The following TGS1 variants were observed in gnomAD, a reference collection of about 807,000 sequenced individuals.
TGS1 encodes trimethylguanosine synthase.
In TGS1, 69 loss-of-function variants were observed where a neutral mutation model predicts 92.2. The ratio of observed to expected loss-of-function variants is 0.75; its 90% CI spans 0.62 to 0.91. The LOEUF (loss-of-function observed/expected upper bound fraction) is 0.91, where lower values mean the gene tolerates loss of function less well. TGS1 is among the 40% of genes least tolerant of loss of function. TGS1 has a pLI of 0.00. For synonymous variants in TGS1, 345 were observed against 338.1 expected, an observed-to-expected ratio of 1.02 and a Z score of -0.22; for missense variants, 1,062 against 1,001.2, an observed-to-expected ratio of 1.06 and a Z score of -0.82.
chr8:55,817,688 C>G (rs57470410), intron 12 of TGS1, among the ~76,000 whole-genome samples: 18 of 151,908 alleles, frequency 1.2e-4, no homozygotes, highest in African/African-American at 4.4e-4. Context: ...GTAGCTCTCT[C>G]GTAGAGGTAG....
At position 55,773,470 on chromosome 8, in the gene TGS1, A is replaced by G. The variant is rs1217619143; in HGVS notation, c.-149A>G. The G allele has an allele frequency of 1.8e-6, 1 of 556,444 alleles. No individual in the cohort carries two copies. The highest frequency in any genetic ancestry group is 3.4e-5 in the East Asian group (1 of 29,690). The allele number at this position is 556,444 out of a possible 1,614,324, so 34.5% of individuals were successfully genotyped here. A position where few individuals can be genotyped will look rare whatever the true frequency, so the allele number is the denominator to read the frequency against. ...CACTTCCGGCGGCAGCGTCCGGGCTAGTTCCCGGCGCGAGCGGCCGCGGGC... is the reference window on the plus strand; with the variant it reads ...CACTTCCGGCGGCAGCGTCCGGGCTGGTTCCCGGCGCGAGCGGCCGCGGGC... On this transcript the variant is annotated 5_prime_UTR_variant, in exon 1 of 13. Coordinates refer to ENST00000260129, the MANE Select transcript of TGS1 (RefSeq NM_024831.8).
At chr8:55,810,167 A>G (rs1050314778) in intron 10 of TGS1, among the ~76,000 whole-genome samples, 9 of 152,238 alleles carry the variant, frequency 5.9e-5, no homozygotes, top group Non-Finnish European at 1.0e-4. Context: ...AGCCCTTTCA[A>G]ATGAAGAATA....
At chr8:55,823,297 AT>A (rs1803700860) in intron 12 of TGS1, among the ~76,000 whole-genome samples, 2 of 152,330 alleles carry the variant, frequency 1.3e-5, no homozygotes, top group Admixed American at 1.3e-4. Flanking sequence ...GAGTGCAAGC[AT>A]TACTGTCTTG....
At chr8:55,819,081 A>G (rs1426735398) in intron 12 of TGS1, among the ~76,000 whole-genome samples, 1 of 152,170 alleles carries the variant, frequency 6.6e-6, no homozygotes, top group Non-Finnish European at 1.5e-5. Context: ...AGCTGGAACC[A>G]TATGCATGGG....
intron 12 of TGS1, among the ~76,000 whole-genome samples, chr8:55,821,875 A>T (rs954161070): frequency 2.2e-4 from 34 of 151,898 alleles, no homozygotes; most frequent in Admixed American, 1.2e-3. Flanking sequence ...ACTCCATCTC[A>T]AAAAATAATA....
At chr8:55,781,069 G>C (rs1175037399) in intron 1 of TGS1, among the ~76,000 whole-genome samples, 1 of 152,190 alleles carries the variant, frequency 6.6e-6, no homozygotes, top group Non-Finnish European at 1.5e-5. Flanking sequence ...ACCAAAAGCT[G>C]GCTGCTCATT....
At chr8:55,795,379 G>T (rs1448434246) in intron 6 of TGS1, among the ~76,000 whole-genome samples, 1 of 152,186 alleles carries the variant, frequency 6.6e-6, no homozygotes, top group Non-Finnish European at 1.5e-5. Flanking sequence ...AAATGCTAAA[G>T]TGTACGTGAC....
Position 55,785,806 on chromosome 8 carries a change from G to A in TGS1, c.254G>A (p.Ser85Asn), listed in dbSNP as rs61753685. Reference sequence around the variant, plus strand: ...AGCAAAGGCATAGGCCTGGATGAAAGTGAACTTGATTCTGAGGCTGAACTC... The same window carrying A: ...AGCAAAGGCATAGGCCTGGATGAAAATGAACTTGATTCTGAGGCTGAACTC... ...HDSKGIGLDE[S>N]ELDSEAELMR... The change falls in exon 3 of 13, where the codon AGT (serine) becomes AAT (asparagine). Residue 85 changes from serine (S) to asparagine (N), a missense_variant. Physicochemically the swap from Ser to Asn is conservative, Grantham distance 46. Transcript: ENST00000260129. 6.3e-3 allele frequency: 10,118 copies of A among 1,613,986 alleles called. 36 individuals carry two copies. The highest frequency in any genetic ancestry group is 7.6e-3 in the Non-Finnish European group (9,023 of 1,179,888).
intron 1 of TGS1, among the ~76,000 whole-genome samples, chr8:55,780,435 C>T (rs969589169): frequency 6.6e-6 from 1 of 152,084 alleles, no homozygotes; most frequent in African/African-American, 2.4e-5. Context: ...AGCAGGAGTG[C>T]CACAGAAATG....
intron 2 of TGS1, among the ~76,000 whole-genome samples, chr8:55,783,151 G>C (rs888823761): frequency 6.6e-5 from 10 of 152,208 alleles, no homozygotes; most frequent in African/African-American, 2.4e-4. Context: ...GGACGTGGTA[G>C]CTCATGCCTA....
chr8:55,796,017 G>A lies in TGS1; in HGVS notation c.1407G>A (p.Arg469=). 6.2e-7 allele frequency: 1 copy of A among 1,613,672 alleles called. No individual in the cohort carries two copies. The highest frequency in any genetic ancestry group is 1.1e-5 in the South Asian group (1 of 91,022). The change falls in exon 7 of 13, where the codon AGG becomes AGA. Residue 469 remains arginine (R), a synonymous_variant. Transcript: ENST00000260129. ...GIPNFSHRQV[R]YLEKNVKLKS... ...CAAATTTCAGTCATCGGCAGGTCAG[G>A]TATTTAGAGAAGAATGTGAAGCTTA... is the stretch of plus-strand genomic sequence containing the variant.
At position 55,811,057 on chromosome 8, in the gene TGS1, G is replaced by T. The variant is rs1442817707; in HGVS notation, c.2320G>T (p.Ala774Ser). Reference sequence around the variant, plus strand: ...TTGGGGAGGGCCAGACTATGCCACTGCAGAGACCTTTGACATTAGAACAAT... The same window carrying T: ...TTGGGGAGGGCCAGACTATGCCACTTCAGAGACCTTTGACATTAGAACAAT... ...PPWGGPDYAT[A>S]ETFDIRTMMS... The change falls in exon 11 of 13, where the codon GCA becomes TCA. Residue 774 changes from alanine to serine, a missense_variant. Ala to Ser is a moderately conservative substitution (Grantham distance 99). Coordinates refer to ENST00000260129, the MANE Select transcript of TGS1 (RefSeq NM_024831.8). The T allele has an allele frequency of 6.2e-7, 1 of 1,614,072 alleles. No homozygotes were observed. Among genetic ancestry groups the T allele is most frequent in the Non-Finnish European group, 8.5e-7 (1 of 1,180,014 alleles).
intron 2 of TGS1, 73 bp downstream of exon 2, chr8:55,782,885 G>A: frequency 1.0e-6 from 1 of 961,592 alleles, no homozygotes; most frequent in Non-Finnish European, 1.6e-6. Context: ...TGTATAATTT[G>A]TTATAATATT....
chr8:55,819,517 C>A (rs1012620826), intron 12 of TGS1, among the ~76,000 whole-genome samples: 64 of 149,652 alleles, frequency 4.3e-4, no homozygotes, highest in Non-Finnish European at 5.8e-4. Flanking sequence ...AGGCTGGTCT[C>A]GAACTCCCGA....
intron 1 of TGS1, among the ~76,000 whole-genome samples, chr8:55,781,185 G>A: frequency 6.6e-6 from 1 of 152,202 alleles, no homozygotes; most frequent in East Asian, 1.9e-4. Context: ...ACACACATAT[G>A]TAACACTTTT....
At chr8:55,788,509 G>A (rs1357519642) in intron 4 of TGS1, among the ~76,000 whole-genome samples, 1 of 142,896 alleles carries the variant, frequency 7.0e-6, no homozygotes, top group African/African-American at 2.6e-5. Flanking sequence ...AAGCTGGAGT[G>A]CAGTGGCACT....
intron 12 of TGS1, among the ~76,000 whole-genome samples, chr8:55,814,673 AAATATAT>A (rs1251652820): frequency 7.4e-6 from 1 of 134,570 alleles, no homozygotes; most frequent in Non-Finnish European, 1.5e-5. Flanking sequence ...AAAAAAAAAA[AAATATAT>A]ATATATATAT....
chr8:55,792,642 G>T, intron 5 of TGS1, 56 bp from the exon 6 acceptor site: 1 of 1,236,738 alleles, frequency 8.1e-7, no homozygotes, highest in South Asian at 1.2e-5. Flanking sequence ...ATATTTATCT[G>T]AACTAGTGGG....
chr8:55,780,390 C>G (rs1013969427), intron 1 of TGS1, among the ~76,000 whole-genome samples: 13 of 151,918 alleles, frequency 8.6e-5, no homozygotes, highest in African/African-American at 2.9e-4. Context: ...CTGGGTCTGT[C>G]TGATGTTTCA....
Sources: gnomAD v4.1 joint callset for allele counts (sites outside exome capture counted in the v4.1 genomes callset) on GRCh38, gnomAD v4.1.1 for gene constraint, MANE v1.5 for transcripts, NCBI Gene and HGNC (gene_info 2026-07-23, HGNC 2026-07-21) for gene names.